COPS3: variants seen among roughly 807,000 people sequenced by gnomAD.
The protein encoded by COPS3 is COP9 signalosome subunit 3.
A neutral mutation model predicts 58.2 loss-of-function variants in COPS3; 10 were observed. That is an observed-to-expected ratio of 0.17 (90% confidence interval 0.11 to 0.29). COPS3 has a LOEUF of 0.29. Ranked by LOEUF, COPS3 falls within the 10% of genes least tolerant of loss-of-function variation. The pLI, the probability that COPS3 is intolerant of heterozygous loss-of-function variation, is 1.00. For missense variants in COPS3, 333 were observed against 510.1 expected (o/e 0.65, Z 3.34); for synonymous variants, 187 against 181.7 (o/e 1.03, Z -0.24).
intron 5 of COPS3, 28 bp downstream of exon 5, chr17:17,267,857 G>A: frequency 6.2e-7 from 1 of 1,609,636 alleles, no homozygotes; most frequent in Non-Finnish European, 8.5e-7. Flanking sequence ...CTCTGACTTG[G>A]TGTGAATCAC....
intron 9 of COPS3, among the ~76,000 whole-genome samples, chr17:17,254,592 A>G (rs772694980): frequency 2.6e-5 from 4 of 152,012 alleles, no homozygotes; most frequent in Non-Finnish European, 5.9e-5. Context: ...CGGGCAGATC[A>G]CGTGGTCAGG....
chr17:17,269,320 G>A (rs535166675), intron 4 of COPS3, among the ~76,000 whole-genome samples: 2 of 152,350 alleles, frequency 1.3e-5, no homozygotes, highest in East Asian at 1.9e-4. Context: ...AGCTACTTGG[G>A]AGGCTGAGGC....
chr17:17,247,167 GAAGTT>G lies in COPS3; in HGVS notation c.1219-21_1219-17del. 1 of 1,611,870 alleles carries G rather than the reference GAAGTT, an allele frequency of 6.2e-7. No individual in the cohort carries two copies. Among genetic ancestry groups the G allele is most frequent in the Non-Finnish European group, 8.5e-7 (1 of 1,177,928 alleles). On this transcript the variant is annotated splice_polypyrimidine_tract_variant and intron_variant, in intron 11 of 11. Transcript: ENST00000268717. ...AGCCCATACTCTGTAAAGGTAAAGT[GAAGTT>G]ATGTATTTATGTTTGCTTTTATCAA...
At chr17:17,260,528 G>A (rs1245215137) in intron 7 of COPS3, 54 bp from the exon 8 acceptor site, 1 of 1,568,226 alleles carries the variant, frequency 6.4e-7, no homozygotes, top group Admixed American at 1.7e-5. Flanking sequence ...AAGAGGCCAG[G>A]TGTGGGGACT....
chr17:17,280,524 C>G, intron 1 of COPS3: 1 of 1,230,944 alleles, frequency 8.1e-7, no homozygotes, highest in Non-Finnish European at 1.1e-6. Flanking sequence ...CGCGCCACTG[C>G]ACTCCAGCCT....
chr17:17,278,809 G>C (rs1277674173), intron 1 of COPS3, among the ~76,000 whole-genome samples: 2 of 151,624 alleles, frequency 1.3e-5, no homozygotes, highest in African/African-American at 4.8e-5. Context: ...AAAAAAAAAA[G>C]TTTAAGTGTC....
chr17:17,261,802 C>A (rs2048107208), intron 7 of COPS3, 164 bp downstream of exon 7: 5 of 578,460 alleles, frequency 8.6e-6, no homozygotes, highest in Non-Finnish European at 1.5e-5. Flanking sequence ...CCATTCCAAT[C>A]AGGTAATGAG....
chr17:17,258,848 TC>T (rs1211722035), intron 8 of COPS3, among the ~76,000 whole-genome samples: 1 of 152,216 alleles, frequency 6.6e-6, no homozygotes, highest in Non-Finnish European at 1.5e-5. Context: ...CATTTTTCTC[TC>T]ATAAAAATTA....
chr17:17,263,955 T>C (rs533762933), intron 6 of COPS3, among the ~76,000 whole-genome samples: 39 of 152,362 alleles, frequency 2.6e-4, no homozygotes, highest in African/African-American at 9.4e-4. Flanking sequence ...TGCGTAGTCT[T>C]AAAGAGAAGC....
At chr17:17,280,716 G>A (rs1597712824) in intron 1 of COPS3, 3 of 1,265,534 alleles carry the variant, frequency 2.4e-6, no homozygotes, top group Non-Finnish European at 2.1e-6. Context: ...GCCCGCTCCC[G>A]GCGGCCTAGT....
rs1303847235 is a variant in COPS3 at position 17,268,189 on chromosome 17, C to A, written c.349-212G>T. The A allele has an allele frequency of 3.9e-5, 21 of 537,588 alleles. No homozygotes were observed. In the East Asian group the frequency reaches 7.4e-4, roughly 19 times the overall value. 33.3% of individuals were successfully genotyped at this position (537,588 alleles called of 1,614,324 possible). A position where few individuals can be genotyped will look rare whatever the true frequency, so the allele number is the denominator to read the frequency against. On this transcript the variant is annotated intron_variant, in intron 4 of 11. Transcript: ENST00000268717. ...CTTGGAATTTTTAGATAACTCAGCACCATTTTTTAAATCATAAAAAGCTTT... is the reference window on the plus strand; with the variant it reads ...CTTGGAATTTTTAGATAACTCAGCAACATTTTTTAAATCATAAAAAGCTTT...
intron 1 of COPS3, among the ~76,000 whole-genome samples, chr17:17,276,595 GT>G (rs2048466627): frequency 6.7e-6 from 1 of 148,712 alleles, no homozygotes; most frequent in Non-Finnish European, 1.5e-5. Flanking sequence ...TTAAGATGGA[GT>G]TTCACTGTGT....
chr17:17,248,794 CT>C lies in COPS3; in HGVS notation c.1137+131del, dbSNP rs2047777881. On this transcript the variant is annotated intron_variant, in intron 10 of 11. Transcript: ENST00000268717. ...AGCAGCCCATTTTGAAACTAACTTT[CT>C]AGTAACTAAGATGTTCACAGACTGG... is the stretch of plus-strand genomic sequence containing the variant. 9 of 595,442 alleles carry C rather than the reference CT, an allele frequency of 1.5e-5. No individual in the cohort carries two copies. The East Asian group carries it at 2.6e-4, about 17-fold the overall frequency. 36.9% of individuals were successfully genotyped at this position (595,442 alleles called of 1,614,324 possible).
intron 9 of COPS3, among the ~76,000 whole-genome samples, chr17:17,250,336 C>G (rs57808450): frequency 0.02 from 2,929 of 148,122 alleles, 111 homozygotes; most frequent in African/African-American, 0.069. Flanking sequence ...CTCACTGCAA[C>G]CTCCACCTCC....
chr17:17,255,839 A>AAAATAAATAAATAAATAAATAAAT (rs144619560), intron 8 of COPS3, among the ~76,000 whole-genome samples: 190 of 127,418 alleles, frequency 1.5e-3, no homozygotes, highest in African/African-American at 4.9e-3. Context: ...ACTCCATCTC[A>AAAATAAATAAATAAATAAATAAAT]AAATAAATAA....
intron 9 of COPS3, among the ~76,000 whole-genome samples, chr17:17,251,089 G>C (rs886483087): frequency 1.3e-5 from 2 of 152,136 alleles, no homozygotes; most frequent in Admixed American, 1.3e-4. Flanking sequence ...CCACCTCCCA[G>C]GTTCATGCCA....
chr17:17,262,626 A>G (rs2048125991), intron 6 of COPS3, among the ~76,000 whole-genome samples: 1 of 151,966 alleles, frequency 6.6e-6, no homozygotes, highest in Non-Finnish European at 1.5e-5. Context: ...GCTACTTGGG[A>G]GGCTGAGGCA....
rs1220635213 is a variant in COPS3 at position 17,264,667 on chromosome 17, G to A, written c.621+135C>T. The A allele has an allele frequency of 5.9e-5, 39 of 658,730 alleles. No individual in the cohort carries two copies. In the Admixed American group the frequency reaches 9.1e-4, roughly 15 times the overall value. 40.8% of individuals were successfully genotyped at this position (658,730 alleles called of 1,614,324 possible). Reference sequence around the variant, plus strand: ...GGTTACCACTATTTACATGATCACAGAGAAGTAGTCTCTGAAAGGACCAAC... The same window carrying A: ...GGTTACCACTATTTACATGATCACAAAGAAGTAGTCTCTGAAAGGACCAAC... On this transcript the variant is annotated intron_variant, in intron 6 of 11. Transcript: ENST00000268717.
intron 8 of COPS3, among the ~76,000 whole-genome samples, chr17:17,258,050 A>G (rs1308501318): frequency 6.6e-6 from 1 of 152,126 alleles, no homozygotes; most frequent in Non-Finnish European, 1.5e-5. Flanking sequence ...CATCATGCCA[A>G]AAATGGAGCA....
Sources: allele counts gnomAD v4.1 joint callset (sites outside exome capture counted in the v4.1 genomes callset), GRCh38; gene constraint gnomAD v4.1.1; transcripts MANE v1.5; gene names NCBI Gene and HGNC (gene_info 2026-07-23, HGNC 2026-07-21).